HLCS: variants seen among roughly 807,000 people sequenced by gnomAD.
HLCS encodes holocarboxylase synthetase.
Under a neutral mutation model 75.0 loss-of-function variants are expected in HLCS, and 53 were observed. The observed-to-expected ratio is 0.71, with a 90% CI of 0.57 to 0.89. The LOEUF is 0.89. HLCS is among the 40% of genes least tolerant of loss of function. The probability of loss-of-function intolerance (pLI) is 0.00; values close to 1 mark genes in which losing one functional copy is unlikely to be tolerated. For synonymous variants in HLCS, 431 were observed against 428.6 expected (o/e 1.01, Z -0.07); for missense variants, 966 against 1,074.0 (o/e 0.90, Z 1.41).
At chr21:36,828,366 G>GGAATGAAT (rs55892136) in intron 6 of HLCS, among the ~76,000 whole-genome samples, 5,310 of 151,036 alleles carry the variant, frequency 0.035, 92 homozygotes, top group African/African-American at 0.052. Flanking sequence ...AGAAGTGTGT[G>GGAATGAAT]GAATGAATGA....
At chr21:36,879,696 C>T (rs540629453) in intron 6 of HLCS, among the ~76,000 whole-genome samples, 2 of 151,894 alleles carry the variant, frequency 1.3e-5, no homozygotes, top group Non-Finnish European at 2.9e-5. Flanking sequence ...CTTTGGGAGG[C>T]CAGGAATTCA....
At chr21:36,883,008 G>A (rs546301366) in intron 6 of HLCS, among the ~76,000 whole-genome samples, 1 of 152,156 alleles carries the variant, frequency 6.6e-6, no homozygotes, top group South Asian at 2.1e-4. Context: ...TCTTATGGGA[G>A]AGCCAAACAA....
chr21:36,947,297 G>A (rs2067450087), intron 2 of HLCS: 1 of 957,026 alleles, frequency 1.0e-6, no homozygotes, highest in African/African-American at 1.8e-5. Context: ...ACACATCCCG[G>A]ATCAAGTTTC....
intron 6 of HLCS, among the ~76,000 whole-genome samples, chr21:36,799,677 G>T (rs1282126945): frequency 2.0e-5 from 3 of 152,136 alleles, no homozygotes; most frequent in Non-Finnish European, 2.9e-5. Context: ...ACATACTTTC[G>T]TCGGCCTGTG....
At chr21:36,776,997 A>T (rs1242817157) in intron 6 of HLCS, among the ~76,000 whole-genome samples, 1 of 152,170 alleles carries the variant, frequency 6.6e-6, no homozygotes, top group Non-Finnish European at 1.5e-5. Context: ...AAGAGTTCCC[A>T]TATGTCCCCT....
At chr21:36,899,317 A>T (rs1050381275) in intron 5 of HLCS, among the ~76,000 whole-genome samples, 8 of 152,116 alleles carry the variant, frequency 5.3e-5, no homozygotes, top group Admixed American at 2.0e-4. Context: ...AAATAAACAT[A>T]AGCTATTTAA....
At chr21:36,938,116 T>A (rs1362213418) in intron 3 of HLCS, among the ~76,000 whole-genome samples, 1 of 152,210 alleles carries the variant, frequency 6.6e-6, no homozygotes, top group Non-Finnish European at 1.5e-5. Context: ...AAACGATTTG[T>A]CCCAAGAAAT....
chr21:36,916,291 G>A (rs1364489848), intron 5 of HLCS, among the ~76,000 whole-genome samples: 2 of 152,092 alleles, frequency 1.3e-5, no homozygotes, highest in Non-Finnish European at 2.9e-5. Context: ...CCTTTGTTGA[G>A]TATAAAAGAT....
At chr21:36,887,827 C>T (rs1375418433) in intron 6 of HLCS, among the ~76,000 whole-genome samples, 1 of 152,162 alleles carries the variant, frequency 6.6e-6, no homozygotes, top group Non-Finnish European at 1.5e-5. Flanking sequence ...GGGACACTTA[C>T]CAATGTATTT....
chr21:36,938,732 G>C, intron 3 of HLCS, 100 bp downstream of exon 3: 5 of 1,222,024 alleles, frequency 4.1e-6, no homozygotes, highest in Non-Finnish European at 6.0e-6. Context: ...CGAACTCCTG[G>C]GCTCCAAGCG....
chr21:36,867,238 GCTAA>G (rs1347249071), intron 6 of HLCS, among the ~76,000 whole-genome samples: 7 of 152,174 alleles, frequency 4.6e-5, no homozygotes, highest in African/African-American at 1.7e-4. Context: ...ACAGAAATCA[GCTAA>G]CTATCCATTA....
intron 6 of HLCS, among the ~76,000 whole-genome samples, chr21:36,793,724 A>T (rs1039465357): frequency 2.6e-5 from 4 of 152,216 alleles, no homozygotes; most frequent in Non-Finnish European, 4.4e-5. Context: ...TGGAGTAAAA[A>T]TTATGCAAAA....
intron 2 of HLCS, among the ~76,000 whole-genome samples, chr21:36,958,661 C>G (rs371629616): frequency 6.6e-6 from 1 of 151,398 alleles, no homozygotes; most frequent in South Asian, 2.1e-4. Context: ...TGGCAGCGTG[C>G]GCCTGTAGTC....
intron 10 of HLCS, among the ~76,000 whole-genome samples, chr21:36,755,977 C>T (rs145414293): frequency 6.6e-6 from 1 of 152,294 alleles, no homozygotes; most frequent in Non-Finnish European, 1.5e-5. Context: ...CAATGTTAAA[C>T]TCTCTCACTA....
intron 5 of HLCS, among the ~76,000 whole-genome samples, chr21:36,919,438 C>T (rs1382159711): frequency 6.6e-6 from 1 of 152,108 alleles, no homozygotes; most frequent in Non-Finnish European, 1.5e-5. Context: ...TTGTTATGTC[C>T]TGAGTTGAAC....
At chr21:36,961,691 C>T (rs2068297993) in intron 2 of HLCS, among the ~76,000 whole-genome samples, 2 of 152,134 alleles carry the variant, frequency 1.3e-5, no homozygotes, top group African/African-American at 2.4e-5. Flanking sequence ...TGGTGGCTCA[C>T]ACCTGTAATC....
At chr21:36,941,942 G>C (rs2067160484) in intron 2 of HLCS, among the ~76,000 whole-genome samples, 1 of 152,104 alleles carries the variant, frequency 6.6e-6, no homozygotes, top group South Asian at 2.1e-4. Context: ...GGGAGGCAGA[G>C]GTTGCAGTGA....
intron 6 of HLCS, among the ~76,000 whole-genome samples, chr21:36,875,469 C>T (rs965701020): frequency 2.0e-5 from 3 of 152,324 alleles, no homozygotes; most frequent in South Asian, 2.1e-4. Context: ...GGACACATGT[C>T]GGGACAACCT....
chr21:36,884,154 G>A lies in HLCS; in HGVS notation c.1892+12706C>T, dbSNP rs115032129. ...TATTTATATCCCCTTGTTATCTAAC[G>A]TAAGCTTTCAGGCACCAGATAAAAG... On this transcript the variant is annotated intron_variant, in intron 6 of 10. Transcript: ENST00000674895. Among the ~76,000 whole-genome samples the A allele has an allele frequency of 6.1e-3, 930 of 152,244 alleles. 9 individuals carry two copies. The highest frequency in any genetic ancestry group is 0.022 in the African/African-American group (897 of 41,530).
Sources: gnomAD v4.1 joint callset for allele counts (sites outside exome capture counted in the v4.1 genomes callset) on GRCh38, gnomAD v4.1.1 for gene constraint, MANE v1.5 for transcripts, NCBI Gene and HGNC (gene_info 2026-07-23, HGNC 2026-07-21) for gene names.